The following PLCE1 variants were observed in gnomAD, a reference collection of about 807,000 sequenced individuals.
PLCE1 encodes the protein phospholipase C epsilon 1.
PLCE1 carries 119 observed loss-of-function variants against 242.8 expected under a neutral mutation model. The observed-to-expected ratio is 0.49, with a 90% CI of 0.42 to 0.57. The LOEUF (loss-of-function observed/expected upper bound fraction) is 0.57. Among genes scored for constraint, PLCE1 ranks in the 20% least tolerant of loss-of-function variants. PLCE1 has a pLI of 0.00. For synonymous variants in PLCE1, 945 were observed against 1,017.4 expected (o/e 0.93, Z 1.35); for missense variants, 2,441 against 2,788.8 (o/e 0.88, Z 2.81).
chr10:94,060,819 C>T (rs1246299754), intron 2 of PLCE1, among the ~76,000 whole-genome samples: 1 of 151,698 alleles, frequency 6.6e-6, no homozygotes, highest in Non-Finnish European at 1.5e-5. Flanking sequence ...ACCTCATCTT[C>T]CCAAGTAGCT....
intron 3 of PLCE1, among the ~76,000 whole-genome samples, chr10:94,155,046 TG>T (rs2047387495): frequency 6.6e-6 from 1 of 152,042 alleles, no homozygotes; most frequent in Non-Finnish European, 1.5e-5. Flanking sequence ...GAACTTAAAT[TG>T]GTACAACCCC....
intron 1 of PLCE1, among the ~76,000 whole-genome samples, chr10:93,998,136 T>C (rs2060864453): frequency 6.6e-6 from 1 of 152,220 alleles, no homozygotes; most frequent in Admixed American, 6.5e-5. Context: ...CGACTGGAAC[T>C]GCAAGGCTGG....
chr10:94,233,863 G>A (rs899888641), intron 5 of PLCE1, among the ~76,000 whole-genome samples, 191 bp from the exon 6 acceptor site: 5 of 151,766 alleles, frequency 3.3e-5, no homozygotes, highest in Admixed American at 2.0e-4. Flanking sequence ...CAGGAGAATC[G>A]CTTGAACCCA....
At chr10:94,025,708 C>T (rs2061443108) in intron 1 of PLCE1, among the ~76,000 whole-genome samples, 1 of 152,094 alleles carries the variant, frequency 6.6e-6, no homozygotes, top group African/African-American at 2.4e-5. Context: ...CAAAGCTTAC[C>T]TCTCTTATAA....
intron 1 of PLCE1, among the ~76,000 whole-genome samples, chr10:94,018,953 A>T (rs2061328457): frequency 6.6e-6 from 1 of 152,230 alleles, no homozygotes; most frequent in Non-Finnish European, 1.5e-5. Context: ...ATAGTGCTGA[A>T]GGGGTGATTT....
chr10:94,048,229 A>G (rs1589915150), intron 2 of PLCE1, among the ~76,000 whole-genome samples: 1 of 152,192 alleles, frequency 6.6e-6, no homozygotes, highest in South Asian at 2.1e-4. Context: ...CAATCCATCC[A>G]TGAATATTTT....
intron 2 of PLCE1, among the ~76,000 whole-genome samples, chr10:94,067,257 A>G (rs927907698): frequency 1.3e-5 from 2 of 152,148 alleles, no homozygotes; most frequent in Non-Finnish European, 2.9e-5. Context: ...TCTTATTTAA[A>G]TATAGAGATT....
At chr10:94,240,709 C>T (rs1322738512) in intron 7 of PLCE1, among the ~76,000 whole-genome samples, 1 of 152,146 alleles carries the variant, frequency 6.6e-6, no homozygotes. Context: ...GTAAAATTTT[C>T]ATCAGGGAAC....
Position 94,272,292 on chromosome 10 carries a change from T to C in PLCE1, c.4507-1270T>C, listed in dbSNP as rs1032171671. Among the ~76,000 whole-genome samples the C allele has an allele frequency of 1.3e-5, 2 of 152,322 alleles. 1 individual carries two copies. The highest frequency in any genetic ancestry group is 2.9e-5 in the Non-Finnish European group (2 of 68,016). ...TTCTTTTCCTAGGGTCTTAATATTA[T>C]ATTCCTTGCTAGGAAAAGAATTTAG... is the stretch of plus-strand genomic sequence containing the variant. On this transcript the variant is annotated intron_variant, in intron 18 of 32. Coordinates refer to ENST00000371380, the MANE Select transcript of PLCE1 (RefSeq NM_016341.4).
At chr10:94,141,159 A>G (rs1026373724) in intron 3 of PLCE1, among the ~76,000 whole-genome samples, 2 of 152,242 alleles carry the variant, frequency 1.3e-5, no homozygotes, top group Non-Finnish European at 2.9e-5. Context: ...GGCACAGGAC[A>G]AAAACCTGTT....
chr10:93,997,137 G>T (rs1422149035), intron 1 of PLCE1, among the ~76,000 whole-genome samples: 1 of 152,150 alleles, frequency 6.6e-6, no homozygotes, highest in African/African-American at 2.4e-5. Context: ...CAATGTGAGA[G>T]ATCTTATCCT....
chr10:94,258,300 T>C (rs2051174341), intron 11 of PLCE1, among the ~76,000 whole-genome samples: 1 of 152,206 alleles, frequency 6.6e-6, no homozygotes, highest in South Asian at 2.1e-4. Flanking sequence ...TTCACATTTT[T>C]CATTAATATT....
At chr10:94,315,533 C>T (rs965347845) in intron 28 of PLCE1, 17 of 455,524 alleles carry the variant, frequency 3.7e-5, no homozygotes, top group South Asian at 2.6e-4. Context: ...CTTTGGGAGG[C>T]CGAGGCGGGC....
Position 94,325,036 on chromosome 10 carries a change from G to C in PLCE1, c.6865G>C (p.Val2289Leu). Reference sequence around the variant, plus strand: ...TATCCAAACCAAGGAGGAGAAACCTGTGGGTGGCTTGTCCTCCAGTGACAC... The same window carrying C: ...TATCCAAACCAAGGAGGAGAAACCTCTGGGTGGCTTGTCCTCCAGTGACAC... The part of the protein sequence containing the change: ...ESIQTKEEKP[V>L]GGLSSSDTMD... The change falls in exon 32 of 33, where the codon GTG becomes CTG. Residue 2289 changes from valine (V) to leucine (L), a missense_variant. Coordinates refer to ENST00000371380, the MANE Select transcript of PLCE1 (RefSeq NM_016341.4). 1 of 1,614,196 alleles carries C rather than the reference G, an allele frequency of 6.2e-7. No individual in the cohort carries two copies. Among genetic ancestry groups the C allele is most frequent in the Non-Finnish European group, 8.5e-7 (1 of 1,180,020 alleles).
intron 1 of PLCE1, among the ~76,000 whole-genome samples, chr10:94,030,289 A>T (rs1166351187): frequency 6.6e-6 from 1 of 152,028 alleles, no homozygotes; most frequent in African/African-American, 2.4e-5. Flanking sequence ...GTTGGATTTT[A>T]TCTGAGTTTC....
At chr10:94,100,109 T>G (rs1057306784) in intron 2 of PLCE1, 4 of 152,206 alleles carry the variant, frequency 2.6e-5, no homozygotes, top group African/African-American at 9.7e-5. Context: ...GCATCTCACT[T>G]TCTTTCCAGG....
intron 14 of PLCE1, among the ~76,000 whole-genome samples, chr10:94,263,941 T>C (rs562877240): frequency 1.3e-5 from 2 of 152,294 alleles, no homozygotes; most frequent in Non-Finnish European, 2.9e-5. Flanking sequence ...GCAACAGATT[T>C]AGTCTAGGTT....
At position 94,283,801 on chromosome 10, in the gene PLCE1, GA is replaced by G. The variant is rs777787687; in HGVS notation, c.4809del (p.Asp1604ThrfsTer24). 1.2e-6 allele frequency: 2 copies of G among 1,611,530 alleles called. No homozygotes were observed. The highest frequency in any genetic ancestry group is 3.3e-5 in the Admixed American group (2 of 59,924). On this transcript the variant is annotated frameshift_variant, in exon 21 of 33. Transcript: ENST00000371380. LOFTEE classifies it high-confidence loss of function. ...YESLSDDNILEDRPENKSCND... is the reference protein window; with the variant it reads ...YESLSDDNILXDRPENKSCND... Reference sequence around the variant, plus strand: ...TAACTTATTTTCAGACAACATTCTGGAAGACAGACCTGAAAATAAATCATGT... The same window carrying G: ...TAACTTATTTTCAGACAACATTCTGGAGACAGACCTGAAAATAAATCATGT...
chr10:94,312,594 AC>A (rs2053421310), intron 27 of PLCE1, among the ~76,000 whole-genome samples: 1 of 151,998 alleles, frequency 6.6e-6, no homozygotes, highest in South Asian at 2.1e-4. Context: ...CTTCTAGGCC[AC>A]CTCCTCTGGA....
Sources: allele counts gnomAD v4.1 joint callset (sites outside exome capture counted in the v4.1 genomes callset), GRCh38; gene constraint gnomAD v4.1.1; transcripts MANE v1.5; gene names NCBI Gene and HGNC (gene_info 2026-07-23, HGNC 2026-07-21).